Variants in VWA5B1 observed in about 807,000 individuals in gnomAD.
The protein encoded by VWA5B1 is von Willebrand factor A domain containing 5B1.
In VWA5B1, 115 loss-of-function variants were observed where a neutral mutation model predicts 118.2. The ratio of observed to expected loss-of-function variants is 0.97; its 90% CI spans 0.84 to 1.14. The LOEUF (loss-of-function observed/expected upper bound fraction) is 1.14, where lower values mean the gene tolerates loss of function less well. Among genes scored for constraint, VWA5B1 ranks in the 50% most tolerant of loss-of-function variants. The probability of loss-of-function intolerance (pLI) is 0.00; values close to 1 mark genes in which losing one functional copy is unlikely to be tolerated. For synonymous variants in VWA5B1, 682 were observed against 658.4 expected, an observed-to-expected ratio of 1.04 and a Z score of -0.55; for missense variants, 1,596 against 1,603.8, an observed-to-expected ratio of 1.00 and a Z score of 0.08.
intron 1 of VWA5B1, among the ~76,000 whole-genome samples, chr1:20,292,100 T>C (rs2088319492): frequency 6.6e-6 from 1 of 152,124 alleles, no homozygotes; most frequent in Admixed American, 6.5e-5. Flanking sequence ...TCTTTTTTTC[T>C]TTTTCTTTCC....
chr1:20,299,879 G>A (rs1056815387), intron 1 of VWA5B1, among the ~76,000 whole-genome samples: 2 of 152,230 alleles, frequency 1.3e-5, no homozygotes, highest in African/African-American at 4.8e-5. Flanking sequence ...CACAGCAAAA[G>A]GGCAGAAGCC....
chr1:20,317,881 C>T (rs183111179), intron 5 of VWA5B1, among the ~76,000 whole-genome samples: 43 of 151,982 alleles, frequency 2.8e-4, no homozygotes, highest in Admixed American at 1.2e-3. Context: ...TCAAGGCAAC[C>T]GACTTTCACC....
chr1:20,342,328 A>G, intron 14 of VWA5B1, 104 bp from the exon 15 acceptor site: 2 of 1,253,540 alleles, frequency 1.6e-6, no homozygotes. Flanking sequence ...GTGGGGGAGC[A>G]GAAGGAAGGA....
At chr1:20,320,750 T>C (rs1039573277) in intron 7 of VWA5B1, among the ~76,000 whole-genome samples, 2 of 152,176 alleles carry the variant, frequency 1.3e-5, no homozygotes, top group Non-Finnish European at 2.9e-5. Flanking sequence ...AATTGGATAA[T>C]GGCAGCTTGA....
intron 1 of VWA5B1, among the ~76,000 whole-genome samples, chr1:20,301,041 C>T (rs2088492796): frequency 1.3e-5 from 2 of 152,208 alleles, no homozygotes; most frequent in Non-Finnish European, 2.9e-5. Context: ...GCATTGTGTA[C>T]GGGGAAGCAG....
chr1:20,343,072 C>G lies in VWA5B1; in HGVS notation c.2312-7C>G. On this transcript the variant is annotated splice_region_variant and splice_polypyrimidine_tract_variant and intron_variant, in intron 15 of 21. Coordinates refer to ENST00000289815, the MANE Select transcript of VWA5B1 (RefSeq NM_001039500.3). ...AGCGCTTGGCCCACTTGTCCCTCTGCCCGCAGAGCCGTCCCACCATCCCTC... is the reference window on the plus strand; with the variant it reads ...AGCGCTTGGCCCACTTGTCCCTCTGGCCGCAGAGCCGTCCCACCATCCCTC... The G allele has an allele frequency of 2.0e-6, 3 of 1,502,238 alleles. No homozygotes were observed. Among genetic ancestry groups the G allele is most frequent in the Non-Finnish European group, 2.7e-6 (3 of 1,119,464 alleles). 93.1% of individuals were successfully genotyped at this position (1,502,238 alleles called of 1,614,324 possible).
Position 20,354,088 on chromosome 1 carries a change from C to T in VWA5B1, c.3473C>T (p.Thr1158Ile). Reference protein sequence around the residue: ...WLEHSSASYFTEWELVAAKAN... With the variant: ...WLEHSSASYFIEWELVAAKAN... The stretch of plus-strand genomic sequence containing the variant: ...GAGCACAGTTCGGCCTCCTACTTCA[C>T]TGAGTGGGAGTTGGTGGCTGCCAAG... The change falls in exon 22 of 22, where the codon ACT becomes ATT. Residue 1158 changes from threonine (T) to isoleucine (I), a missense_variant. Thr to Ile is a moderately conservative substitution (Grantham distance 89). Coordinates refer to ENST00000289815, the MANE Select transcript of VWA5B1 (RefSeq NM_001039500.3). The T allele has an allele frequency of 6.4e-7, 1 of 1,551,574 alleles. No individual in the cohort carries two copies. The highest frequency in any genetic ancestry group is 8.7e-7 in the Non-Finnish European group (1 of 1,146,990).
At chr1:20,325,698 C>T (rs1040140763) in intron 8 of VWA5B1, among the ~76,000 whole-genome samples, 1 of 152,244 alleles carries the variant, frequency 6.6e-6, no homozygotes, top group African/African-American at 2.4e-5. Flanking sequence ...TGCCCTTCTC[C>T]AGTTCAGCTC....
Position 20,330,264 on chromosome 1 carries a change from G to A in VWA5B1, c.1339G>A (p.Val447Ile). The change falls in exon 10 of 22, where the codon GTC becomes ATC. Residue 447 changes from valine to isoleucine, a missense_variant. Transcript: ENST00000289815. ...CAACATCCTTTCCCCTCTCAAGTGG[G>A]TCATCAGGCAGCCAGTGCACCGAGG... is the stretch of plus-strand genomic sequence containing the variant. ...GTNILSPLKW[V>I]IRQPVHRGHP... is the part of the protein sequence containing the mutation. 1 of 1,551,760 alleles carries A rather than the reference G, an allele frequency of 6.4e-7. No homozygotes were observed. Among genetic ancestry groups the A allele is most frequent in the South Asian group, 1.2e-5 (1 of 84,062 alleles).
intron 12 of VWA5B1, among the ~76,000 whole-genome samples, chr1:20,334,892 G>A (rs960604092): frequency 5.9e-5 from 9 of 152,254 alleles, no homozygotes; most frequent in African/African-American, 2.2e-4. Flanking sequence ...AAATAAAAGT[G>A]ATGTAATGGA....
chr1:20,310,410 A>G (rs1335974469), intron 1 of VWA5B1, among the ~76,000 whole-genome samples, 166 bp from the exon 2 acceptor site: 1 of 152,166 alleles, frequency 6.6e-6, no homozygotes. Context: ...CTCAGGGGAG[A>G]TTGGTAGTTA....
At chr1:20,330,156 T>A in intron 9 of VWA5B1, 24 bp from the exon 10 acceptor site, 1 of 1,551,656 alleles carries the variant, frequency 6.4e-7, no homozygotes, top group Non-Finnish European at 8.7e-7. Flanking sequence ...ACGGTGACAC[T>A]GGGGACTGTC....
chr1:20,356,666 T>A lies in VWA5B1; in HGVS notation c.*2403T>A, dbSNP rs2090235568. 6.6e-6 allele frequency among the ~76,000 whole-genome samples: 1 copy of A among 152,168 alleles called. No homozygotes were observed. Among genetic ancestry groups the A allele is most frequent in the South Asian group, 2.1e-4 (1 of 4,824 alleles). The stretch of plus-strand genomic sequence containing the variant: ...TCTCTAGGAAAGTTCCTCAGACTGC[T>A]CCCGCACCGGCCACTGGAGCTCTGC... On this transcript the variant is annotated 3_prime_UTR_variant, in exon 22 of 22. Transcript: ENST00000289815.
At chr1:20,295,988 G>A (rs1265202407) in intron 1 of VWA5B1, among the ~76,000 whole-genome samples, 1 of 152,120 alleles carries the variant, frequency 6.6e-6, no homozygotes, top group Non-Finnish European at 1.5e-5. Context: ...TCAGCCTCCT[G>A]AGTAGCTGGG....
chr1:20,355,274 G>C lies in VWA5B1; in HGVS notation c.*1011G>C, dbSNP rs2090209811. 6.6e-6 allele frequency among the ~76,000 whole-genome samples: 1 copy of C among 152,214 alleles called. No homozygotes were observed. The highest frequency in any genetic ancestry group is 1.5e-5 in the Non-Finnish European group (1 of 68,028). On this transcript the variant is annotated 3_prime_UTR_variant, in exon 22 of 22. Transcript: ENST00000289815. Reference sequence around the variant, plus strand: ...TTGGGGATGGCAGCTCTGGCCAGGGGAGGCCTGATTTGTTTGGTGAAATGA... The same window carrying C: ...TTGGGGATGGCAGCTCTGGCCAGGGCAGGCCTGATTTGTTTGGTGAAATGA...
chr1:20,324,057 C>T (rs17353088), intron 8 of VWA5B1, among the ~76,000 whole-genome samples: 16,877 of 152,306 alleles, frequency 0.11, 1,037 homozygotes, highest in Admixed American at 0.14. Flanking sequence ...TCCCCACCAC[C>T]TGACATCAGA....
In VWA5B1 at chr1:20,330,378, A is replaced by C. The variant is rs2089512621; in HGVS notation, c.1453A>C (p.Thr485Pro). 1 of 1,551,640 alleles carries C rather than the reference A, an allele frequency of 6.4e-7. No individual in the cohort carries two copies. The highest frequency in any genetic ancestry group is 8.7e-7 in the Non-Finnish European group (1 of 1,146,960). Residue 485 changes from threonine to proline, a missense_variant, in exon 10 of 22, where the codon ACC becomes CCC. Transcript: ENST00000289815. ...LELVRNHAFS[T>P]RCYSFGIGPN... ...GCTGGTGCGAAATCACGCCTTCTCC[A>C]CCAGGTCGGCCTTGGCTGAGGGTCT...
In VWA5B1 at chr1:20,314,505, T is replaced by C. The variant is rs1323728213; in HGVS notation, c.476T>C (p.Val159Ala). 1.8e-5 allele frequency: 28 copies of C among 1,551,626 alleles called. No homozygotes were observed. The highest frequency in any genetic ancestry group is 2.4e-5 in the Non-Finnish European group (27 of 1,147,008). Residue 159 changes from valine to alanine, a missense_variant, in exon 4 of 22, where the codon GTG becomes GCG. Coordinates refer to ENST00000289815, the MANE Select transcript of VWA5B1 (RefSeq NM_001039500.3). ...CTCCCAACGCTGCCCAGCGGGGCTG[T>C]GAGGGTCCTTCTGCCTGCTGTCTGT... ...SELPTLPSGAVRVLLPAVCAP... is the reference protein window; with the variant it reads ...SELPTLPSGAARVLLPAVCAP...
At chr1:20,331,008 C>T (rs1463467083) in intron 11 of VWA5B1, 25 bp downstream of exon 11, 1 of 1,513,422 alleles carries the variant, frequency 6.6e-7, no homozygotes, top group Non-Finnish European at 8.9e-7. Flanking sequence ...CCACGCAGTC[C>T]CTTCTGGTGC....
Sources: gnomAD v4.1 joint callset for allele counts (sites outside exome capture counted in the v4.1 genomes callset) on GRCh38, gnomAD v4.1.1 for gene constraint, MANE v1.5 for transcripts, NCBI Gene and HGNC (gene_info 2026-07-23, HGNC 2026-07-21) for gene names.